Variants in ITPRID2 observed in about 807,000 individuals in gnomAD.
ITPRID2 encodes the protein protein ITPRID2.
A neutral mutation model predicts 124.3 loss-of-function variants in ITPRID2; 60 were observed. The ratio of observed to expected loss-of-function variants is 0.48; its 90% CI spans 0.39 to 0.60. The LOEUF is 0.60. Ranked by LOEUF, ITPRID2 falls within the 20% of genes least tolerant of loss-of-function variation. The pLI, the probability that ITPRID2 is intolerant of heterozygous loss-of-function variation, is 0.00. For missense variants in ITPRID2, 1,553 were observed against 1,512.2 expected, an observed-to-expected ratio of 1.03 and a Z score of -0.45; for synonymous variants, 521 against 542.9, an observed-to-expected ratio of 0.96 and a Z score of 0.56.
At chr2:181,922,475 AAT>A (rs1306326592) in intron 16 of ITPRID2, 63 bp downstream of exon 16, 5 of 1,352,358 alleles carry the variant, frequency 3.7e-6, no homozygotes, top group Middle Eastern at 3.8e-4. Context: ...ATTTTGTCTG[AAT>A]ATTAATTATT....
Position 181,910,288 on chromosome 2 carries a change from C to A in ITPRID2, c.1486+317C>A, listed in dbSNP as rs967553996. Among the ~76,000 whole-genome samples the A allele has an allele frequency of 6.6e-6, 1 of 152,158 alleles. No individual in the cohort carries two copies. The highest frequency in any genetic ancestry group is 1.5e-5 in the Non-Finnish European group (1 of 68,026). ...AGCAATGGATTAAGACTACCTTTTA[C>A]ATTGTTATGACTGAAAAATATACTG... is the stretch of plus-strand genomic sequence containing the variant. On this transcript the variant is annotated intron_variant, in intron 9 of 17. Coordinates refer to ENST00000431877, the MANE Select transcript of ITPRID2 (RefSeq NM_001130445.3). This position sits in a 1 kb window ranked among gnomAD's most constrained non-coding sequence, Gnocchi z 4.1.
At chr2:181,895,816 A>C (rs903475607) in intron 2 of ITPRID2, among the ~76,000 whole-genome samples, 3 of 152,050 alleles carry the variant, frequency 2.0e-5, no homozygotes, top group African/African-American at 7.2e-5. Flanking sequence ...GACATGATTA[A>C]ATCATTCCTG....
At chr2:181,903,576 A>G (rs745531368) in intron 8 of ITPRID2, among the ~76,000 whole-genome samples, 9 of 149,482 alleles carry the variant, frequency 6.0e-5, no homozygotes, top group Non-Finnish European at 1.0e-4. Flanking sequence ...TCAGTTGCTG[A>G]TACAGATTTT....
intron 2 of ITPRID2, chr2:181,893,078 A>G (rs1691894590): frequency 5.1e-6 from 1 of 196,116 alleles, no homozygotes; most frequent in African/African-American, 2.3e-5. Context: ...AATTTACCTA[A>G]CTACACTAAA....
At chr2:181,913,516 C>G (rs2125093018) in intron 9 of ITPRID2, among the ~76,000 whole-genome samples, 1 of 152,176 alleles carries the variant, frequency 6.6e-6, no homozygotes, top group East Asian at 1.9e-4. Context: ...TTAGAGCCAT[C>G]TTTTACTTCA....
At chr2:181,895,746 A>G (rs1692148863) in intron 2 of ITPRID2, among the ~76,000 whole-genome samples, 1 of 152,024 alleles carries the variant, frequency 6.6e-6, no homozygotes, top group Admixed American at 6.5e-5. Flanking sequence ...TTTTGCAAAG[A>G]AAAATGCCAA....
At position 181,929,728 on chromosome 2, in the gene ITPRID2, C is replaced by G; in HGVS notation, c.*181C>G. ...TATTTTAAAAAGACGTACATAGAAACTTAGGCACTTTGCTATTTCTTTTCT... is the reference window on the plus strand; with the variant it reads ...TATTTTAAAAAGACGTACATAGAAAGTTAGGCACTTTGCTATTTCTTTTCT... On this transcript the variant is annotated 3_prime_UTR_variant, in exon 18 of 18. Coordinates refer to ENST00000431877, the MANE Select transcript of ITPRID2 (RefSeq NM_001130445.3). 2.0e-6 allele frequency: 2 copies of G among 1,014,924 alleles called. No homozygotes were observed. Among genetic ancestry groups the G allele is most frequent in the Non-Finnish European group, 2.8e-6 (2 of 711,512 alleles). 62.9% of individuals were successfully genotyped at this position (1,014,924 alleles called of 1,614,324 possible). A position where few individuals can be genotyped will look rare whatever the true frequency, so the allele number is the denominator to read the frequency against.
chr2:181,892,610 C>G lies in ITPRID2; in HGVS notation c.212-5C>G. ...TAACGTGCTGTCCCCTCTCTCTACC[C>G]CCAGGAAACGTGCCCAACGAGAAGA... On this transcript the variant is annotated splice_polypyrimidine_tract_variant and splice_region_variant and intron_variant, in intron 1 of 17. Transcript: ENST00000431877. The surrounding 1 kb of genome is among the most constrained non-coding windows in gnomAD (Gnocchi z 5.2). The G allele has an allele frequency of 6.2e-7, 1 of 1,614,146 alleles. No homozygotes were observed. The highest frequency in any genetic ancestry group is 8.5e-7 in the Non-Finnish European group (1 of 1,180,004).
At chr2:181,913,674 A>G (rs1279684409) in intron 9 of ITPRID2, among the ~76,000 whole-genome samples, 171 bp from the exon 10 acceptor site, 1 of 152,246 alleles carries the variant, frequency 6.6e-6, no homozygotes, top group Non-Finnish European at 1.5e-5. Flanking sequence ...CTTTGAAGAC[A>G]TAATTTTGCA....
In ITPRID2 at chr2:181,913,945, T is replaced by G. The variant is rs779071513; in HGVS notation, c.1575+12T>G. ...TTAATCATCTTCAGGTAAAATTTTC[T>G]GTTCTAATAGGCACTATGATTAACT... On this transcript the variant is annotated intron_variant, in intron 10 of 17. Transcript: ENST00000431877. 21 of 1,594,168 alleles carry G rather than the reference T, an allele frequency of 1.3e-5. No homozygotes were observed. Among genetic ancestry groups the G allele is most frequent in the Non-Finnish European group, 1.6e-5 (19 of 1,163,768 alleles).
chr2:181,908,724 C>CT (rs1289221941), intron 8 of ITPRID2, among the ~76,000 whole-genome samples: 3 of 152,170 alleles, frequency 2.0e-5, no homozygotes, highest in Non-Finnish European at 4.4e-5. Flanking sequence ...GTAATACTAT[C>CT]TTTAACCTTT....
intron 6 of ITPRID2, among the ~76,000 whole-genome samples, chr2:181,899,594 G>A (rs1333501563): frequency 1.3e-5 from 2 of 152,150 alleles, no homozygotes; most frequent in East Asian, 3.8e-4. Context: ...CCAGTGCTTT[G>A]GAGTGTCAAA....
Position 181,892,277 on chromosome 2 carries a change from G to C in ITPRID2, c.211G>C (p.Gly71Arg), listed in dbSNP as rs532127194. The change falls in exon 1 of 18, where the codon GGA becomes CGA. Residue 71 changes from glycine to arginine, a missense_variant and splice_region_variant. Coordinates refer to ENST00000431877, the MANE Select transcript of ITPRID2 (RefSeq NM_001130445.3). The surrounding 1 kb of genome is among the most constrained non-coding windows in gnomAD (Gnocchi z 5.2). ...GCAGCTGCCGGCAGCGGGGGGAAGA[G>C]GTCGGTGCTCCCGGCCGGGCTCCGG... is the stretch of plus-strand genomic sequence containing the variant. ...GAQLPAAGGR[G>R]NVPNEKIAIW... 6.5e-7 allele frequency: 1 copy of C among 1,545,766 alleles called. No individual in the cohort carries two copies. The highest frequency in any genetic ancestry group is 1.4e-5 in the African/African-American group (1 of 73,086).
At chr2:181,893,791 C>T (rs1219509824) in intron 2 of ITPRID2, 1 of 152,170 alleles carries the variant, frequency 6.6e-6, no homozygotes, top group African/African-American at 2.4e-5. Context: ...ATATTAGATA[C>T]TTCACTCAAA....
chr2:181,913,770 C>A, intron 9 of ITPRID2, 75 bp from the exon 10 acceptor site: 2 of 987,560 alleles, frequency 2.0e-6, no homozygotes, highest in South Asian at 1.5e-5. Flanking sequence ...TAATATTGCT[C>A]TCAGTAATTT....
In ITPRID2 at chr2:181,905,335, C is replaced by T. The variant is rs1269217973; in HGVS notation, c.1413+2869C>T. ...AAATGCTGGGATTACAGGTGTGAGCCACCACACCCAGCCTATAACTATTTA... is the reference window on the plus strand; with the variant it reads ...AAATGCTGGGATTACAGGTGTGAGCTACCACACCCAGCCTATAACTATTTA... On this transcript the variant is annotated intron_variant, in intron 8 of 17. Transcript: ENST00000431877. This position sits in a 1 kb window ranked among gnomAD's most constrained non-coding sequence, Gnocchi z 4.1. 6.6e-6 allele frequency among the ~76,000 whole-genome samples: 1 copy of T among 152,122 alleles called. No homozygotes were observed. Among genetic ancestry groups the T allele is most frequent in the African/African-American group, 2.4e-5 (1 of 41,410 alleles).
chr2:181,928,506 G>A (rs1338755639), intron 17 of ITPRID2, among the ~76,000 whole-genome samples: 3 of 152,058 alleles, frequency 2.0e-5, no homozygotes. Context: ...TCATTCTACT[G>A]AAATTTCATT....
Position 181,922,497 on chromosome 2 carries a change from T to G in ITPRID2, c.3675+85T>G, listed in dbSNP as rs1416703228. 5 of 1,227,134 alleles carry G rather than the reference T, an allele frequency of 4.1e-6. No individual in the cohort carries two copies. The African/African-American group carries it at 7.6e-5, about 19-fold the overall frequency. The allele number at this position is 1,227,134 out of a possible 1,614,324, so 76.0% of individuals were successfully genotyped here. The stretch of plus-strand genomic sequence containing the variant: ...CTGAATATTAATTATTTACAGAATG[T>G]TCTTTTGATTCACTGTATTCAATAA... On this transcript the variant is annotated intron_variant, in intron 16 of 17. Transcript: ENST00000431877.
intron 8 of ITPRID2, among the ~76,000 whole-genome samples, chr2:181,908,412 G>A (rs1209129066): frequency 3.3e-5 from 5 of 152,170 alleles, no homozygotes; most frequent in Non-Finnish European, 5.9e-5. Context: ...GATACTTGAA[G>A]TAGACCGAGC....
Sources: gnomAD v4.1 joint callset for allele counts (sites outside exome capture counted in the v4.1 genomes callset) on GRCh38, gnomAD v4.1.1 for gene constraint, Gnocchi (gnomAD v3.1) non-coding constraint, MANE v1.5 for transcripts, NCBI Gene and HGNC (gene_info 2026-07-23, HGNC 2026-07-21) for gene names.